LPP: variants seen among roughly 807,000 people sequenced by gnomAD.
The protein encoded by LPP is LIM domain containing preferred translocation partner in lipoma.
LPP carries 38 observed loss-of-function variants against 60.4 expected under a neutral mutation model. The observed-to-expected ratio is 0.63, with a 90% CI of 0.49 to 0.83. The LOEUF (loss-of-function observed/expected upper bound fraction) is 0.83. Among genes scored for constraint, LPP ranks in the 40% least tolerant of loss-of-function variants. The pLI is 0.00. For missense variants in LPP, 902 were observed against 783.6 expected (o/e 1.15, Z -1.80); for synonymous variants, 328 against 290.8 (o/e 1.13, Z -1.30).
rs61040174 is a variant in LPP, at chr3:188,770,344, ATTTT to A, written c.1410+10080_1410+10083del. Among the ~76,000 whole-genome samples, 523 of 115,366 alleles carry A rather than the reference ATTTT, an allele frequency of 4.5e-3. 6 individuals carry two copies. Among genetic ancestry groups the A allele is most frequent in the African/African-American group, 0.016 (504 of 31,162 alleles). The allele number at this position is 115,366 out of a possible 152,430, so 75.7% of individuals were successfully genotyped here. On this transcript the variant is annotated intron_variant, in intron 9 of 11. Transcript: ENST00000617246. Reference sequence around the variant, plus strand: ...CAAGCACCCGCCACCACGCCCAGCTATTTTTTTTTTTTTTTTTTTTTGTATTTTT... The same window carrying A: ...CAAGCACCCGCCACCACGCCCAGCTATTTTTTTTTTTTTTTTTGTATTTTT...
rs1390015746 is a variant in LPP, at chr3:188,879,046, C to T, written c.*4567C>T. Reference sequence around the variant, plus strand: ...TCATTGTATTTGCTTAATAGTGGTCCAGACAAGTTCAAAACTTGTTCTCAG... The same window carrying T: ...TCATTGTATTTGCTTAATAGTGGTCTAGACAAGTTCAAAACTTGTTCTCAG... On this transcript the variant is annotated 3_prime_UTR_variant, in exon 12 of 12. Coordinates refer to ENST00000617246, the MANE Select transcript of LPP (RefSeq NM_001375462.1). The T allele has an allele frequency of 8.8e-6, 2 of 228,150 alleles. No individual in the cohort carries two copies. The highest frequency in any genetic ancestry group is 1.3e-4 in the East Asian group (2 of 15,924). 14.1% of individuals were successfully genotyped at this position (228,150 alleles called of 1,614,324 possible).
At position 188,349,948 on chromosome 3, in the gene LPP, C is replaced by T. The variant is rs115390996; in HGVS notation, c.-10+8229C>T. Among the ~76,000 whole-genome samples the T allele has an allele frequency of 3.4e-3, 520 of 152,350 alleles. 2 individuals carry two copies. The highest frequency in any genetic ancestry group is 0.014 in the Middle Eastern group (4 of 294). On this transcript the variant is annotated intron_variant, in intron 3 of 11. Coordinates refer to ENST00000617246, the MANE Select transcript of LPP (RefSeq NM_001375462.1). ...TGCCCTTTGCTCTTCCTCTCCTTTC[C>T]TTCATGCCTCTTCTCCTTTGCTGCA...
At chr3:188,380,650 A>G (rs1426092663) in intron 3 of LPP, among the ~76,000 whole-genome samples, 1 of 152,232 alleles carries the variant, frequency 6.6e-6, no homozygotes, top group Non-Finnish European at 1.5e-5. Context: ...TTTTGAGATT[A>G]CATGGTTCAA....
chr3:188,389,135 GTA>G (rs1779075930), intron 3 of LPP, among the ~76,000 whole-genome samples: 1 of 151,750 alleles, frequency 6.6e-6, no homozygotes, highest in Non-Finnish European at 1.5e-5. Flanking sequence ...ATGTGTGTGC[GTA>G]TGTGTGTGTG....
intron 6 of LPP, among the ~76,000 whole-genome samples, chr3:188,525,198 C>A (rs1333817460): frequency 2.0e-5 from 3 of 152,152 alleles, no homozygotes; most frequent in Non-Finnish European, 4.4e-5. Context: ...AACTCCTGAC[C>A]TCATGATCTG....
At position 188,886,318 on chromosome 3, in the gene LPP, TA is replaced by T. The variant is rs544624721; in HGVS notation, c.*11851del. 1,474 of 152,382 alleles carry T rather than the reference TA, an allele frequency of 9.7e-3. No homozygotes were observed. Among genetic ancestry groups the T allele is most frequent in the Middle Eastern group, 0.031 (12 of 386 alleles). The allele number at this position is 152,382 out of a possible 1,614,324, so 9.4% of individuals were successfully genotyped here. ...AAGTATAATAATAATGAAATAAAAT[TA>T]AAAAAAAAAAAGAAAAGTGCCTCAC... On this transcript the variant is annotated 3_prime_UTR_variant, in exon 12 of 12. Coordinates refer to ENST00000617246, the MANE Select transcript of LPP (RefSeq NM_001375462.1).
intron 3 of LPP, among the ~76,000 whole-genome samples, chr3:188,342,393 A>T (rs929005466): frequency 2.6e-5 from 4 of 152,208 alleles, no homozygotes; most frequent in Non-Finnish European, 5.9e-5. Flanking sequence ...ATGGAGGCCA[A>T]TGGAGAAAAA....
chr3:188,503,553 T>C (rs560777905), intron 5 of LPP, among the ~76,000 whole-genome samples: 1 of 152,296 alleles, frequency 6.6e-6, no homozygotes, highest in South Asian at 2.1e-4. Context: ...TGAGTTACTC[T>C]GTAGTATCAT....
At chr3:188,859,125 G>A (rs141267256) in intron 9 of LPP, among the ~76,000 whole-genome samples, 202 of 145,546 alleles carry the variant, frequency 1.4e-3, no homozygotes, top group Admixed American at 2.3e-3. Context: ...GGATGTTCAT[G>A]TCTGGCAATA....
intron 8 of LPP, among the ~76,000 whole-genome samples, chr3:188,747,445 G>T (rs1482767213): frequency 1.3e-5 from 2 of 152,220 alleles, no homozygotes; most frequent in Non-Finnish European, 2.9e-5. Context: ...GTAAGATTCT[G>T]AAGGGGCTTA....
chr3:188,683,914 C>T (rs1190194457), intron 7 of LPP, among the ~76,000 whole-genome samples: 3 of 152,214 alleles, frequency 2.0e-5, no homozygotes, highest in African/African-American at 4.8e-5. Context: ...CAAAGACCCT[C>T]CAATAAGCTA....
At chr3:188,345,110 T>G (rs973820031) in intron 3 of LPP, among the ~76,000 whole-genome samples, 2 of 152,226 alleles carry the variant, frequency 1.3e-5, no homozygotes, top group Non-Finnish European at 2.9e-5. Context: ...TGACTGATCT[T>G]GGACTAGAAT....
chr3:188,178,441 G>A (rs2148873005), intron 1 of LPP: 1 of 152,320 alleles, frequency 6.6e-6, no homozygotes, highest in African/African-American at 2.4e-5. Context: ...GTTCGCTTTT[G>A]CAAGATCTTG....
intron 7 of LPP, among the ~76,000 whole-genome samples, chr3:188,637,363 A>C (rs758510563): frequency 6.6e-6 from 1 of 152,192 alleles, no homozygotes; most frequent in South Asian, 2.1e-4. Flanking sequence ...CATTCAAAAC[A>C]GTGTGTAGAG....
intron 7 of LPP, among the ~76,000 whole-genome samples, chr3:188,617,596 A>C (rs376761024): frequency 4.6e-5 from 7 of 152,290 alleles, no homozygotes; most frequent in African/African-American, 1.7e-4. Flanking sequence ...CTCAGTCCAT[A>C]ATCTCTCTAT....
upstream of LPP, chr3:188,153,727 T>TA (rs1715162571): frequency 6.6e-6 from 1 of 152,332 alleles, no homozygotes; most frequent in Non-Finnish European, 1.5e-5. Flanking sequence ...AGGCGAGCTC[T>TA]GCGCGGCGGC....
At chr3:188,561,086 T>C (rs996720409) in intron 6 of LPP, among the ~76,000 whole-genome samples, 1 of 152,132 alleles carries the variant, frequency 6.6e-6, no homozygotes, top group Non-Finnish European at 1.5e-5. Context: ...CATTAGTCCC[T>C]AGACAAATCT....
intron 9 of LPP, among the ~76,000 whole-genome samples, chr3:188,761,558 A>G (rs894986837): frequency 6.6e-6 from 1 of 152,218 alleles, no homozygotes; most frequent in African/African-American, 2.4e-5. Flanking sequence ...CTCTTTAGCA[A>G]TGAGAATGCC....
chr3:188,347,046 A>G (rs1266173831), intron 3 of LPP, among the ~76,000 whole-genome samples: 1 of 152,246 alleles, frequency 6.6e-6, no homozygotes, highest in Non-Finnish European at 1.5e-5. Flanking sequence ...TATTGTATAT[A>G]ATCCTATAAA....
Sources: gnomAD v4.1 joint callset for allele counts (sites outside exome capture counted in the v4.1 genomes callset) on GRCh38, gnomAD v4.1.1 for gene constraint, MANE v1.5 for transcripts, NCBI Gene and HGNC (gene_info 2026-07-23, HGNC 2026-07-21) for gene names.